Variants in MICU3 observed in about 807,000 individuals in gnomAD.
The protein encoded by MICU3 is mitochondrial calcium uptake 3.
Under a neutral mutation model 66.5 loss-of-function variants are expected in MICU3, and 62 were observed. The observed-to-expected ratio is 0.93, with a 90% CI of 0.76 to 1.15. MICU3 has a LOEUF of 1.15. Among genes scored for constraint, MICU3 ranks in the 50% most tolerant of loss-of-function variants. The pLI is 0.00. For synonymous variants in MICU3, 308 were observed against 240.7 expected (o/e 1.28, Z -2.59); for missense variants, 779 against 664.4 (o/e 1.17, Z -1.90).
chr8:17,086,501 T>G (rs1799487263), intron 6 of MICU3, among the ~76,000 whole-genome samples: 1 of 152,070 alleles, frequency 6.6e-6, no homozygotes, highest in Admixed American at 6.6e-5. Context: ...TCAATTTGAT[T>G]ACAATAGATA....
At chr8:17,114,375 A>T (rs1020886342) in intron 12 of MICU3, among the ~76,000 whole-genome samples, 174 bp downstream of exon 12, 2 of 152,124 alleles carry the variant, frequency 1.3e-5, no homozygotes, top group African/African-American at 4.8e-5. Flanking sequence ...GCCATGAGGG[A>T]AGAAACCTCA....
chr8:17,124,630 A>C (rs925651460), downstream of MICU3, among the ~76,000 whole-genome samples: 1 of 150,670 alleles, frequency 6.6e-6, no homozygotes, highest in African/African-American at 2.4e-5. Context: ...CTTATCTTTT[A>C]TTTTTTGGAA....
intron 5 of MICU3, among the ~76,000 whole-genome samples, chr8:17,084,175 C>A (rs1475730712): frequency 6.6e-6 from 1 of 152,186 alleles, no homozygotes; most frequent in Admixed American, 6.5e-5. Flanking sequence ...GTGTCTCCCT[C>A]TTTACTTTGT....
Position 17,121,891 on chromosome 8 carries a change from T to C in MICU3, c.*1604T>C, listed in dbSNP as rs1449577412. ...ATTTAATTGACTGACTAAATGAAAA[T>C]GCCTACCCACTCATATAACATACCT... On this transcript the variant is annotated 3_prime_UTR_variant, in exon 15 of 15. Transcript: ENST00000318063. 6.6e-6 allele frequency: 1 copy of C among 151,780 alleles called. No homozygotes were observed. Among genetic ancestry groups the C allele is most frequent in the African/African-American group, 2.4e-5 (1 of 41,428 alleles). The allele number at this position is 151,780 out of a possible 1,614,324, so 9.4% of individuals were successfully genotyped here.
chr8:17,037,738 C>G (rs539870533), intron 1 of MICU3, among the ~76,000 whole-genome samples: 1 of 152,318 alleles, frequency 6.6e-6, no homozygotes, highest in East Asian at 1.9e-4. Context: ...AAGCCACAGA[C>G]ACTCAACATC....
intron 11 of MICU3, among the ~76,000 whole-genome samples, chr8:17,112,021 G>T (rs778650939): frequency 2.5e-4 from 38 of 152,060 alleles, no homozygotes; most frequent in Non-Finnish European, 5.1e-4. Flanking sequence ...AAGACCATCA[G>T]ATCTCATGAG....
In MICU3 at chr8:17,036,964, G is replaced by A. The variant is rs531069280; in HGVS notation, c.381+9304G>A. On this transcript the variant is annotated intron_variant, in intron 1 of 14. Transcript: ENST00000318063. Reference sequence around the variant, plus strand: ...CTGCAGGTCCCGAGTCCTGCCCCGCGGGAAGGCAGCTAAGGCTCGGCGAGA... The same window carrying A: ...CTGCAGGTCCCGAGTCCTGCCCCGCAGGAAGGCAGCTAAGGCTCGGCGAGA... 8.5e-5 allele frequency among the ~76,000 whole-genome samples: 13 copies of A among 152,334 alleles called. No homozygotes were observed. The East Asian group carries it at 9.7e-4, about 11-fold the overall frequency.
At chr8:17,069,111 C>T (rs1003908549) in intron 2 of MICU3, among the ~76,000 whole-genome samples, 6 of 152,106 alleles carry the variant, frequency 3.9e-5, no homozygotes, top group Admixed American at 2.0e-4. Context: ...ACTCTTACTC[C>T]AGTGATGCTT....
chr8:17,105,417 AT>A lies in MICU3; in HGVS notation c.1091del (p.Met364ArgfsTer9). ...ELNFEDFYRF[M>X]DNLQTEVLEI... ...TTTATTACATTTTTGTCATAGATTC[AT>A]GGATAATCTCCAAACAGAAGTTCTA... is the stretch of plus-strand genomic sequence containing the variant. On this transcript the variant is annotated frameshift_variant, in exon 11 of 15. Coordinates refer to ENST00000318063, the MANE Select transcript of MICU3 (RefSeq NM_181723.3). LOFTEE classifies it high-confidence loss of function. The A allele has an allele frequency of 6.5e-7, 1 of 1,529,736 alleles. No individual in the cohort carries two copies. Among genetic ancestry groups the A allele is most frequent in the Non-Finnish European group, 8.9e-7 (1 of 1,128,716 alleles). The allele number at this position is 1,529,736 out of a possible 1,614,324, so 94.8% of individuals were successfully genotyped here.
At chr8:17,058,662 T>C (rs1206179289) in intron 1 of MICU3, among the ~76,000 whole-genome samples, 1 of 152,234 alleles carries the variant, frequency 6.6e-6, no homozygotes, top group East Asian at 1.9e-4. Flanking sequence ...GACACTTTGA[T>C]GGTCTGCTGG....
chr8:17,101,555 C>A (rs1187162520), intron 9 of MICU3, among the ~76,000 whole-genome samples: 1 of 151,780 alleles, frequency 6.6e-6, no homozygotes, highest in Non-Finnish European at 1.5e-5. Context: ...AAGATCTGCT[C>A]TGATCAGTGG....
intron 9 of MICU3, among the ~76,000 whole-genome samples, chr8:17,099,105 A>T (rs1351503929): frequency 6.6e-6 from 1 of 151,754 alleles, no homozygotes; most frequent in Non-Finnish European, 1.5e-5. Flanking sequence ...AATTTGTTAC[A>T]GATCTGCATC....
At chr8:17,107,257 A>G (rs1801818104) in intron 11 of MICU3, among the ~76,000 whole-genome samples, 1 of 152,158 alleles carries the variant, frequency 6.6e-6, no homozygotes, top group Non-Finnish European at 1.5e-5. Flanking sequence ...TGTTAGGAAG[A>G]GCTTTGCTGA....
intron 1 of MICU3, among the ~76,000 whole-genome samples, chr8:17,031,837 C>G (rs1345944723): frequency 1.3e-5 from 2 of 152,146 alleles, no homozygotes; most frequent in Admixed American, 1.3e-4. Flanking sequence ...GACATTGGCT[C>G]TCAACTCGGA....
chr8:17,088,388 T>C (rs1799693361), intron 7 of MICU3, among the ~76,000 whole-genome samples: 2 of 152,116 alleles, frequency 1.3e-5, no homozygotes, highest in Middle Eastern at 3.4e-3. Context: ...TGCAACTGTT[T>C]AGAGTATTAG....
At chr8:17,119,019 A>G (rs1275110538) in intron 14 of MICU3, among the ~76,000 whole-genome samples, 1 of 152,320 alleles carries the variant, frequency 6.6e-6, no homozygotes, top group African/African-American at 2.4e-5. Flanking sequence ...CACCCAAAGA[A>G]TATTTGTTAC....
At chr8:17,032,257 C>G (rs1285789358) in intron 1 of MICU3, among the ~76,000 whole-genome samples, 5 of 152,140 alleles carry the variant, frequency 3.3e-5, no homozygotes, top group Non-Finnish European at 7.4e-5. Flanking sequence ...TTTTAGCAAA[C>G]TATGGCTTTG....
At position 17,041,536 on chromosome 8, in the gene MICU3, A is replaced by G. The variant is rs550712571; in HGVS notation, c.381+13876A>G. 2.0e-5 allele frequency among the ~76,000 whole-genome samples: 3 copies of G among 152,308 alleles called. No individual in the cohort carries two copies. The East Asian group carries it at 5.8e-4, about 29-fold the overall frequency. ...AAGTGAGGTAAGTGTTGACAGCCAT[A>G]TCAAGAATTTGTCTCTGAAGAAGAG... is the stretch of plus-strand genomic sequence containing the variant. On this transcript the variant is annotated intron_variant, in intron 1 of 14. Transcript: ENST00000318063.
At chr8:17,074,793 G>A (rs922460193) in intron 3 of MICU3, among the ~76,000 whole-genome samples, 5 of 151,546 alleles carry the variant, frequency 3.3e-5, no homozygotes, top group East Asian at 1.9e-4. Context: ...AGAAAATTAC[G>A]TAACTCTTTT....
Sources: allele counts gnomAD v4.1 joint callset (sites outside exome capture counted in the v4.1 genomes callset), GRCh38; gene constraint gnomAD v4.1.1; transcripts MANE v1.5; gene names NCBI Gene and HGNC (gene_info 2026-07-23, HGNC 2026-07-21).